The following TMBIM6 variants were observed in gnomAD, a reference collection of about 807,000 sequenced individuals.
TMBIM6 encodes the protein bax inhibitor 1.
A neutral mutation model predicts 31.4 loss-of-function variants in TMBIM6; 13 were observed. The ratio of observed to expected loss-of-function variants is 0.41; its 90% CI spans 0.27 to 0.66. The LOEUF is 0.66. TMBIM6 is among the 30% of genes least tolerant of loss of function. The pLI is 0.28. For synonymous variants in TMBIM6, 85 were observed against 101.7 expected (o/e 0.84, Z 0.99); for missense variants, 275 against 289.5 (o/e 0.95, Z 0.36).
intron 5 of TMBIM6, 23 bp from the exon 6 acceptor site, chr12:49,758,360 C>T (rs771775102): frequency 6.2e-5 from 100 of 1,613,848 alleles, no homozygotes; most frequent in Admixed American, 1.3e-4. Context: ...AGCCCTTAAT[C>T]TAATGGTCTT....
chr12:49,757,078 A>G (rs981800953), intron 4 of TMBIM6, among the ~76,000 whole-genome samples: 12 of 151,764 alleles, frequency 7.9e-5, no homozygotes, highest in African/African-American at 2.9e-4. Context: ...TGTTGGTCAG[A>G]CTGGTCTCGA....
intron 1 of TMBIM6, among the ~76,000 whole-genome samples, chr12:49,749,441 G>GTTTTTTGTTT (rs1555228474): frequency 1.8e-4 from 27 of 146,118 alleles, no homozygotes; most frequent in African/African-American, 7.1e-4. Context: ...AGTCATTTTT[G>GTTTTTTGTTT]TTTTTTTTTG....
intron 3 of TMBIM6, among the ~76,000 whole-genome samples, chr12:49,755,351 G>T (rs1279935601): frequency 6.6e-6 from 1 of 151,954 alleles, no homozygotes; most frequent in Non-Finnish European, 1.5e-5. Context: ...TATTTTTTGG[G>T]CAAGACTCAC....
intron 1 of TMBIM6, among the ~76,000 whole-genome samples, chr12:49,750,049 A>C (rs1379012834): frequency 6.6e-6 from 1 of 152,190 alleles, no homozygotes; most frequent in Non-Finnish European, 1.5e-5. Context: ...TATTAAATCA[A>C]AGTGAAATTG....
intron 7 of TMBIM6, 174 bp from the exon 8 acceptor site, chr12:49,759,037 AGTGCAGTATT>A (rs1176052962): frequency 1.6e-6 from 1 of 628,428 alleles, no homozygotes; most frequent in African/African-American, 1.8e-5. Context: ...TCCAGTGACC[AGTGCAGTATT>A]GTGCCTAGGG....
intron 8 of TMBIM6, among the ~76,000 whole-genome samples, 199 bp downstream of exon 8, chr12:49,759,520 A>G (rs1447016024): frequency 6.6e-6 from 1 of 152,118 alleles, no homozygotes; most frequent in Admixed American, 6.5e-5. Context: ...ATCTGGGCTA[A>G]TAGGCCAGGT....
At chr12:49,760,718 G>C (rs1193218475) in intron 8 of TMBIM6, among the ~76,000 whole-genome samples, 3 of 151,730 alleles carry the variant, frequency 2.0e-5, no homozygotes. Flanking sequence ...TGTAATTTTA[G>C]TAGAACGAGG....
At chr12:49,746,778 GA>G (rs1592721367) in intron 1 of TMBIM6, among the ~76,000 whole-genome samples, 1 of 152,008 alleles carries the variant, frequency 6.6e-6, no homozygotes, top group Non-Finnish European at 1.5e-5. Context: ...CACAGAAGAA[GA>G]AGAAGAAGAA....
intron 8 of TMBIM6, among the ~76,000 whole-genome samples, chr12:49,760,533 C>CTTTTTTTT (rs35862867): frequency 6.4e-5 from 6 of 93,524 alleles, no homozygotes; most frequent in African/African-American, 1.6e-4. Context: ...TGCCCAGCCA[C>CTTTTTTTT]TTTTTTTTTT....
In TMBIM6 at chr12:49,742,436, A is replaced by G. The variant is rs751877782; in HGVS notation, c.-31+825A>G. 19 of 1,064,496 alleles carry G rather than the reference A, an allele frequency of 1.8e-5. No homozygotes were observed. In the Admixed American group the frequency reaches 4.3e-4, roughly 24 times the overall value. The allele number at this position is 1,064,496 out of a possible 1,614,324, so 65.9% of individuals were successfully genotyped here. A position where few individuals can be genotyped will look rare whatever the true frequency, so the allele number is the denominator to read the frequency against. ...GTATCTTTGTATATTTACTGAGTGT[A>G]GAATTACTACCCGGTGCCAGCCCGG... On this transcript the variant is annotated intron_variant, in intron 1 of 9. Transcript: ENST00000267115.
intron 4 of TMBIM6, among the ~76,000 whole-genome samples, chr12:49,756,742 GT>G (rs567805408): frequency 0.038 from 4,730 of 125,186 alleles, 114 homozygotes; most frequent in Middle Eastern, 0.098. Context: ...TTGTTTTTTT[GT>G]TTTTTTTTTT....
intron 4 of TMBIM6, among the ~76,000 whole-genome samples, chr12:49,756,196 C>T (rs1337839752): frequency 6.6e-6 from 1 of 151,840 alleles, no homozygotes; most frequent in East Asian, 1.9e-4. Flanking sequence ...AGTGCAGTGG[C>T]GTGATCTTGG....
chr12:49,745,735 A>AAAAAACAAAAAAAAAC (rs375099364), intron 1 of TMBIM6, among the ~76,000 whole-genome samples: 14,459 of 150,558 alleles, frequency 0.096, 1,043 homozygotes, highest in African/African-American at 0.18. Context: ...AAAAAAAAAA[A>AAAAAACAAAAAAAAAC]CCCAGCACAT....
intron 8 of TMBIM6, among the ~76,000 whole-genome samples, 177 bp from the exon 9 acceptor site, chr12:49,761,527 A>T (rs770430380): frequency 6.6e-6 from 1 of 151,172 alleles, no homozygotes; most frequent in African/African-American, 2.5e-5. Context: ...TCTATGCTGC[A>T]TGACTTCGAT....
In TMBIM6 at chr12:49,752,546, A is replaced by G. The variant is rs753372335; in HGVS notation, c.53A>G (p.His18Arg). Residue 18 changes from histidine (H) to arginine (R), a missense_variant, in exon 2 of 10, where the codon CAT becomes CGT. Coordinates refer to ENST00000267115, the MANE Select transcript of TMBIM6 (RefSeq NM_003217.3). ...TTTGATGCGCTTTTAAAATTTTCTCATATGTAAGTGTTTTGACCTTGACTG... is the reference window on the plus strand; with the variant it reads ...TTTGATGCGCTTTTAAAATTTTCTCGTATGTAAGTGTTTTGACCTTGACTG... ...INFDALLKFS[H>R]ITPSTQQHLK... 3.1e-6 allele frequency: 5 copies of G among 1,612,430 alleles called. No homozygotes were observed. Among genetic ancestry groups the G allele is most frequent in the African/African-American group, 1.3e-5 (1 of 74,980 alleles).
chr12:49,758,875 C>T, intron 7 of TMBIM6, 113 bp downstream of exon 7: 1 of 912,920 alleles, frequency 1.1e-6, no homozygotes, highest in Non-Finnish European at 1.7e-6. Context: ...CTCTCTAAGC[C>T]TTCCCATTAT....
chr12:49,755,777 A>AT (rs1389452899), intron 4 of TMBIM6, 22 bp downstream of exon 4: 1 of 1,606,798 alleles, frequency 6.2e-7, no homozygotes, highest in Non-Finnish European at 8.5e-7. Context: ...GATTTGTCTA[A>AT]TTTTGAGGGG....
At chr12:49,761,870 C>T (rs1228268296) in intron 9 of TMBIM6, 91 bp downstream of exon 9, 4 of 1,241,998 alleles carry the variant, frequency 3.2e-6, no homozygotes, top group African/African-American at 3.0e-5. Context: ...TGCTCACACA[C>T]TGTGTTAGGT....
At chr12:49,759,056 G>T in intron 7 of TMBIM6, 165 bp from the exon 8 acceptor site, 1 of 650,694 alleles carries the variant, frequency 1.5e-6, no homozygotes. Context: ...TTGTGCCTAG[G>T]GAAGTAAAGT....
Sources: gnomAD v4.1 joint callset for allele counts (sites outside exome capture counted in the v4.1 genomes callset) on GRCh38, gnomAD v4.1.1 for gene constraint, MANE v1.5 for transcripts, NCBI Gene and HGNC (gene_info 2026-07-23, HGNC 2026-07-21) for gene names.